Variants in DCX observed in about 807,000 individuals in gnomAD.
The protein encoded by DCX is doublecortin.
In DCX, 4 loss-of-function variants were observed where a neutral mutation model predicts 20.9. That is an observed-to-expected ratio of 0.19 (90% CI 0.09 to 0.44). The LOEUF is 0.44. DCX is among the 20% of genes least tolerant of loss of function. The probability of loss-of-function intolerance (pLI) is 0.99; values close to 1 mark genes in which losing one functional copy is unlikely to be tolerated. For synonymous variants in DCX, 103 were observed against 111.4 expected (o/e 0.92, Z 0.47); for missense variants, 133 against 296.9 (o/e 0.45, Z 4.06).
At chrX:111,349,427 C>T (rs1923130950) in intron 3 of DCX, among the ~76,000 whole-genome samples, 1 of 111,634 alleles carries the variant, frequency 9.0e-6, no homozygotes, top group Admixed American at 9.5e-5. Context: ...TGATTTACGG[C>T]AAACCAAAGA....
chrX:111,407,691 T>C (rs1344431257), intron 2 of DCX, among the ~76,000 whole-genome samples: 1 of 110,455 alleles, frequency 9.1e-6, no homozygotes, highest in East Asian at 2.9e-4. Flanking sequence ...CAACCTAATA[T>C]GACTCAAAGG....
intron 3 of DCX, among the ~76,000 whole-genome samples, chrX:111,376,408 A>C (rs1490736995): frequency 1.8e-5 from 2 of 111,646 alleles, no homozygotes; most frequent in East Asian, 2.8e-4. Context: ...GAAGGTGAAA[A>C]TATAAGGGAA....
At chrX:111,363,768 T>G (rs1397900600) in intron 3 of DCX, among the ~76,000 whole-genome samples, 1 of 111,786 alleles carries the variant, frequency 8.9e-6, no homozygotes, top group Non-Finnish European at 1.9e-5. Context: ...AAAAACTAGT[T>G]GATAAAACTA....
chrX:111,368,455 T>G (rs1393649432), intron 3 of DCX, among the ~76,000 whole-genome samples: 1 of 111,638 alleles, frequency 9.0e-6, no homozygotes, highest in Non-Finnish European at 1.9e-5. Context: ...TGCCAAACCC[T>G]ATGCTTCATT....
chrX:111,347,800 T>C (rs1922962449), intron 3 of DCX, among the ~76,000 whole-genome samples: 1 of 111,338 alleles, frequency 9.0e-6, no homozygotes, highest in Non-Finnish European at 1.9e-5. Context: ...TTCTGTCAAC[T>C]CATTTTTCCA....
chrX:111,302,212 T>C (rs2095035748), intron 6 of DCX, among the ~76,000 whole-genome samples: 1 of 112,050 alleles, frequency 8.9e-6, no homozygotes, highest in Non-Finnish European at 1.9e-5. Flanking sequence ...CCATACAGTA[T>C]ATAACCATTT....
rs2095024832 is a variant in DCX, at chrX:111,297,779, TG to T, written c.*3907del. 8.9e-6 allele frequency: 1 copy of T among 111,942 alleles called. No homozygotes were observed. Among genetic ancestry groups the T allele is most frequent in the South Asian group, 3.8e-4 (1 of 2,648 alleles). The allele number at this position is 111,942 out of a possible 1,213,427, so 9.2% of individuals were successfully genotyped here. ...CTGCTGTGGAAGGCCACAGGAGCAGTGTACACAAGACGATGGGAAGAGTGTA... is the reference window on the plus strand; with the variant it reads ...CTGCTGTGGAAGGCCACAGGAGCAGTTACACAAGACGATGGGAAGAGTGTA... On this transcript the variant is annotated 3_prime_UTR_variant, in exon 7 of 7. Coordinates refer to ENST00000636035, the MANE Select transcript of DCX (RefSeq NM_001195553.2).
At chrX:111,333,344 ACCATTGTCTAT>A (rs1921436458) in intron 3 of DCX, among the ~76,000 whole-genome samples, 191 bp from the exon 4 acceptor site, 1 of 111,778 alleles carries the variant, frequency 8.9e-6, no homozygotes, top group Non-Finnish European at 1.9e-5. Flanking sequence ...TATACTGAGT[ACCATTGTCTAT>A]CCATGTTTCA....
chrX:111,396,131 C>T (rs967939051), intron 3 of DCX, among the ~76,000 whole-genome samples: 1 of 112,113 alleles, frequency 8.9e-6, no homozygotes, highest in African/African-American at 3.2e-5. Context: ...GCAATTGAAA[C>T]ATCCCTCATG....
chrX:111,405,730 C>A (rs1928159751), intron 2 of DCX, among the ~76,000 whole-genome samples: 2 of 110,919 alleles, frequency 1.8e-5, no homozygotes, highest in African/African-American at 6.5e-5. Context: ...AAAGACATGA[C>A]AAAAGGAAAA....
At chrX:111,341,988 TAGCATCATTATGACAGGACCA>T (rs1922281478) in intron 3 of DCX, among the ~76,000 whole-genome samples, 2 of 109,201 alleles carry the variant, frequency 1.8e-5, no homozygotes, top group Non-Finnish European at 1.9e-5. Context: ...AATAACCAGA[TAGCATCATTATGACAGGACCA>T]GATTAACAGA....
chrX:111,391,519 T>C (rs1396071425), intron 3 of DCX, among the ~76,000 whole-genome samples: 1 of 111,664 alleles, frequency 9.0e-6, no homozygotes, highest in Non-Finnish European at 1.9e-5. Flanking sequence ...TTCTGCTGTG[T>C]CTGCCCGGCA....
intron 3 of DCX, among the ~76,000 whole-genome samples, chrX:111,339,326 A>C (rs752316666): frequency 9.0e-6 from 1 of 111,600 alleles, no homozygotes; most frequent in Non-Finnish European, 1.9e-5. Flanking sequence ...TGATTGGGTC[A>C]TGAAGGCTCT....
chrX:111,407,450 C>T (rs1224521541), intron 2 of DCX, among the ~76,000 whole-genome samples: 1 of 111,893 alleles, frequency 8.9e-6, no homozygotes, highest in African/African-American at 3.2e-5. Context: ...CCATTTGGCT[C>T]TGTGGCAGTG....
chrX:111,315,347 A>G (rs1202295230), intron 5 of DCX, among the ~76,000 whole-genome samples: 1 of 56,016 alleles, frequency 1.8e-5, no homozygotes, highest in Non-Finnish European at 3.1e-5. Flanking sequence ...ATCACTGGCC[A>G]TCAGAGAAAT....
At chrX:111,323,022 C>A (rs1420227002) in intron 5 of DCX, among the ~76,000 whole-genome samples, 5 of 111,514 alleles carry the variant, frequency 4.5e-5, no homozygotes, top group Non-Finnish European at 9.4e-5. Context: ...TGTAGAGGGG[C>A]TGATGGAAGT....
intron 3 of DCX, among the ~76,000 whole-genome samples, chrX:111,351,072 T>C (rs1012382299): frequency 1.2e-4 from 14 of 112,227 alleles, no homozygotes; most frequent in Non-Finnish European, 2.3e-4. Flanking sequence ...GTGGGAATTA[T>C]GGGAGCTACA....
At chrX:111,374,050 T>C (rs1181404003) in intron 3 of DCX, among the ~76,000 whole-genome samples, 1 of 112,243 alleles carries the variant, frequency 8.9e-6, no homozygotes, top group Non-Finnish European at 1.9e-5. Flanking sequence ...ATCTGTTCTT[T>C]TTCTATTTTG....
At chrX:111,390,831 T>A (rs1438315455) in intron 3 of DCX, among the ~76,000 whole-genome samples, 1 of 109,641 alleles carries the variant, frequency 9.1e-6, no homozygotes, top group African/African-American at 3.3e-5. Flanking sequence ...AGATCCTGTC[T>A]CTACAAAAAA....
Sources: gnomAD v4.1 joint callset for allele counts (sites outside exome capture counted in the v4.1 genomes callset) on GRCh38, gnomAD v4.1.1 for gene constraint, MANE v1.5 for transcripts, NCBI Gene and HGNC (gene_info 2026-07-23, HGNC 2026-07-21) for gene names.